Variants in MYO16 observed in about 807,000 individuals in gnomAD.
MYO16 encodes the protein myosin XVI.
MYO16 carries 94 observed loss-of-function variants against 205.3 expected under a neutral mutation model. That is an observed-to-expected ratio of 0.46 (90% CI 0.39 to 0.54). The LOEUF is 0.54. Among genes scored for constraint, MYO16 ranks in the 20% least tolerant of loss-of-function variants. The probability of loss-of-function intolerance (pLI) is 0.00; values close to 1 mark genes in which losing one functional copy is unlikely to be tolerated. For missense variants in MYO16, 2,315 were observed against 2,387.5 expected (o/e 0.97, Z 0.63); for synonymous variants, 988 against 954.0 (o/e 1.04, Z -0.66).
At chr13:108,966,240 A>G (rs572578359) in intron 20 of MYO16, among the ~76,000 whole-genome samples, 35 of 152,320 alleles carry the variant, frequency 2.3e-4, no homozygotes, top group African/African-American at 7.2e-4. Context: ...TTAATTTCCT[A>G]TAAGTATAAA....
intron 2 of MYO16, among the ~76,000 whole-genome samples, chr13:108,675,738 G>A (rs1006721915): frequency 6.6e-6 from 1 of 152,210 alleles, no homozygotes; most frequent in Non-Finnish European, 1.5e-5. Context: ...TCAATAGCGT[G>A]AGAGCAGCGA....
At chr13:108,862,019 A>G (rs74119674) in intron 11 of MYO16, among the ~76,000 whole-genome samples, 3,286 of 152,172 alleles carry the variant, frequency 0.022, 202 homozygotes, top group East Asian at 0.21. Flanking sequence ...GTTTTCCTAC[A>G]TTTTCTTTAT....
chr13:109,165,131 A>G, intron 33 of MYO16, 72 bp downstream of exon 33: 1 of 1,185,734 alleles, frequency 8.4e-7, no homozygotes, highest in South Asian at 1.5e-5. Flanking sequence ...GGAGGAATGG[A>G]TTTAAAATAT....
At chr13:109,135,098 G>A (rs1407975135) in intron 31 of MYO16, among the ~76,000 whole-genome samples, 1 of 152,116 alleles carries the variant, frequency 6.6e-6, no homozygotes, top group African/African-American at 2.4e-5. Flanking sequence ...CTGAAGACTT[G>A]TGGCCTAAAA....
At chr13:108,997,605 A>G (rs1566452600) in intron 21 of MYO16, among the ~76,000 whole-genome samples, 1 of 152,030 alleles carries the variant, frequency 6.6e-6, no homozygotes, top group Non-Finnish European at 1.5e-5. Context: ...TTGGGAGGTC[A>G]AGGCGGTCGG....
intron 27 of MYO16, among the ~76,000 whole-genome samples, chr13:109,082,885 T>C (rs1888323282): frequency 6.6e-6 from 1 of 152,118 alleles, no homozygotes; most frequent in African/African-American, 2.4e-5. Context: ...TGTGAGATGC[T>C]AAGGCAGAGG....
chr13:108,508,452 T>C, the MYO16 span, among the ~76,000 whole-genome samples: 2 of 152,076 alleles, frequency 1.3e-5, no homozygotes, highest in Non-Finnish European at 2.9e-5. Context: ...TCCTGCTCCC[T>C]CTGGTGTTTA....
At chr13:109,066,234 A>G (rs1887744406) in intron 27 of MYO16, among the ~76,000 whole-genome samples, 1 of 152,216 alleles carries the variant, frequency 6.6e-6, no homozygotes, top group Non-Finnish European at 1.5e-5. Context: ...GGAGTCTTTT[A>G]AAAGTCTGCC....
Position 108,880,470 on chromosome 13 carries a change from T to C in MYO16, c.1426-2589T>C, listed in dbSNP as rs575591057. Among the ~76,000 whole-genome samples the C allele has an allele frequency of 2.8e-4, 42 of 152,342 alleles. 1 individual carries two copies. Among genetic ancestry groups the C allele is most frequent in the African/African-American group, 1.0e-3 (42 of 41,586 alleles). On this transcript the variant is annotated intron_variant, in intron 12 of 34. Coordinates refer to ENST00000457511, the MANE Select transcript of MYO16 (RefSeq NM_001198950.3). ...TGACCTAAATGGTATTGCCTAGGTT[T>C]TCTTCTAGGGTTTTTATGGTTTTAG...
intron 32 of MYO16, among the ~76,000 whole-genome samples, chr13:109,150,389 C>T (rs1877591609): frequency 6.6e-6 from 1 of 152,022 alleles, no homozygotes; most frequent in South Asian, 2.1e-4. Flanking sequence ...ATGCTGTTCC[C>T]GCTAGGTCAT....
rs772314429 is a variant in MYO16 at position 109,055,611 on chromosome 13, C to T, written c.3335+16C>T. Reference sequence around the variant, plus strand: ...TCCTGTCAAGGTAAATTCTTCTGCTCTTAAAATCGTCGTTCTCGCTGCTGT... The same window carrying T: ...TCCTGTCAAGGTAAATTCTTCTGCTTTTAAAATCGTCGTTCTCGCTGCTGT... On this transcript the variant is annotated intron_variant, in intron 27 of 34. Transcript: ENST00000457511. The surrounding 1 kb of genome is among the most constrained non-coding windows in gnomAD (Gnocchi z 5.0). 2 of 1,599,878 alleles carry T rather than the reference C, an allele frequency of 1.3e-6. No individual in the cohort carries two copies. Among genetic ancestry groups the T allele is most frequent in the South Asian group, 1.1e-5 (1 of 90,912 alleles).
the MYO16 span, among the ~76,000 whole-genome samples, chr13:108,552,957 G>A: frequency 8.1e-5 from 12 of 148,708 alleles, no homozygotes; most frequent in Middle Eastern, 3.5e-3. Flanking sequence ...TGGAGCCCTC[G>A]GTCTAATCCT....
At chr13:108,963,082 C>G (rs1166243270) in intron 19 of MYO16, among the ~76,000 whole-genome samples, 1 of 152,214 alleles carries the variant, frequency 6.6e-6, no homozygotes, top group East Asian at 1.9e-4. Context: ...AGATGACATG[C>G]TTAATCTCTA....
At chr13:108,719,264 T>C (rs1010530541) in intron 3 of MYO16, among the ~76,000 whole-genome samples, 2 of 152,112 alleles carry the variant, frequency 1.3e-5, no homozygotes, top group Admixed American at 6.5e-5. Context: ...AAATCTTTCC[T>C]GGAGAAACTA....
intron 1 of MYO16, among the ~76,000 whole-genome samples, chr13:108,655,094 A>T (rs924394154): frequency 6.6e-6 from 1 of 151,902 alleles, no homozygotes; most frequent in African/African-American, 2.4e-5. Context: ...AGTAACAAGC[A>T]GCCGAATGTT....
the MYO16 span, among the ~76,000 whole-genome samples, chr13:108,588,229 G>T: frequency 0.018 from 2,670 of 152,188 alleles, 90 homozygotes; most frequent in African/African-American, 0.061. Flanking sequence ...CCTGTGTCTT[G>T]AAAGAAACTA....
intron 2 of MYO16, among the ~76,000 whole-genome samples, chr13:108,667,074 T>C (rs1430960774): frequency 6.6e-6 from 1 of 152,228 alleles, no homozygotes; most frequent in East Asian, 1.9e-4. Flanking sequence ...ATAGCTCATT[T>C]AGTGGCAAAA....
At chr13:108,660,686 C>T (rs1566534922) in intron 1 of MYO16, among the ~76,000 whole-genome samples, 2 of 152,154 alleles carry the variant, frequency 1.3e-5, no homozygotes, top group Non-Finnish European at 2.9e-5. Flanking sequence ...AGGTGAGTCT[C>T]TTGAAGGCAG....
At chr13:109,088,792 A>T (rs1003744395) in intron 27 of MYO16, among the ~76,000 whole-genome samples, 3 of 152,178 alleles carry the variant, frequency 2.0e-5, no homozygotes, top group African/African-American at 7.2e-5. Context: ...AAGCACACAG[A>T]GGAGGAGAGG....
Sources: gnomAD v4.1 joint callset for allele counts (sites outside exome capture counted in the v4.1 genomes callset) on GRCh38, gnomAD v4.1.1 for gene constraint, Gnocchi (gnomAD v3.1) non-coding constraint, MANE v1.5 for transcripts, NCBI Gene and HGNC (gene_info 2026-07-23, HGNC 2026-07-21) for gene names.